Variants in C1QTNF3 observed in about 807,000 individuals in gnomAD.
C1QTNF3 encodes the protein complement C1q tumor necrosis factor-related protein 3.
In C1QTNF3, 26 loss-of-function variants were observed where a neutral mutation model predicts 32.6. The observed-to-expected ratio is 0.80, with a 90% CI of 0.58 to 1.11. The LOEUF (loss-of-function observed/expected upper bound fraction) is 1.11, where lower values mean the gene tolerates loss of function less well. C1QTNF3 is among the 50% of genes least tolerant of loss of function. C1QTNF3 has a pLI of 0.00. For synonymous variants in C1QTNF3, 155 were observed against 146.0 expected, an observed-to-expected ratio of 1.06 and a Z score of -0.44; for missense variants, 362 against 398.2, an observed-to-expected ratio of 0.91 and a Z score of 0.77.
At chr5:34,090,976 T>C in the C1QTNF3 span, among the ~76,000 whole-genome samples, 1 of 152,262 alleles carries the variant, frequency 6.6e-6, no homozygotes, top group Non-Finnish European at 1.5e-5. Flanking sequence ...TGGTTAATTT[T>C]CTGTTCATTT....
chr5:34,202,572 G>C, the C1QTNF3 span, among the ~76,000 whole-genome samples: 7 of 151,256 alleles, frequency 4.6e-5, no homozygotes, highest in East Asian at 3.9e-4. Flanking sequence ...TGTAATACAT[G>C]AAACTTAGGC....
the C1QTNF3 span, among the ~76,000 whole-genome samples, chr5:34,091,173 C>T: frequency 2.0e-5 from 3 of 152,136 alleles, no homozygotes; most frequent in Non-Finnish European, 4.4e-5. Flanking sequence ...GATAGATGAG[C>T]ACATTGAGCG....
chr5:34,023,490 A>T (rs1036208692), intron 5 of C1QTNF3, among the ~76,000 whole-genome samples: 1 of 152,190 alleles, frequency 6.6e-6, no homozygotes, highest in Non-Finnish European at 1.5e-5. Flanking sequence ...ACAGCCACAA[A>T]GTTTTTCATA....
At chr5:34,244,109 AG>A in the C1QTNF3 span, among the ~76,000 whole-genome samples, 3 of 152,154 alleles carry the variant, frequency 2.0e-5, no homozygotes, top group Admixed American at 6.5e-5. Flanking sequence ...TCATTTTCAT[AG>A]TTTTCATATT....
chr5:34,214,229 A>G, the C1QTNF3 span, among the ~76,000 whole-genome samples: 1 of 152,104 alleles, frequency 6.6e-6, no homozygotes. Flanking sequence ...AACATATATG[A>G]ATGATTGAAA....
At chr5:34,145,937 C>G in the C1QTNF3 span, among the ~76,000 whole-genome samples, 1 of 152,084 alleles carries the variant, frequency 6.6e-6, no homozygotes, top group Non-Finnish European at 1.5e-5. Flanking sequence ...AAAAAAAAGA[C>G]TTTTGATAAA....
At chr5:34,057,943 G>C in the C1QTNF3 span, among the ~76,000 whole-genome samples, 2 of 152,184 alleles carry the variant, frequency 1.3e-5, no homozygotes, top group East Asian at 3.8e-4. Context: ...GACTTTGGTT[G>C]TTTTTCTGGG....
the C1QTNF3 span, among the ~76,000 whole-genome samples, chr5:34,178,184 T>G: frequency 2.2e-4 from 33 of 150,090 alleles, no homozygotes; most frequent in African/African-American, 7.4e-4. Flanking sequence ...GGGAGGCTGA[T>G]GCAGGAGAAT....
At chr5:34,229,923 C>T in the C1QTNF3 span, among the ~76,000 whole-genome samples, 4 of 152,076 alleles carry the variant, frequency 2.6e-5, no homozygotes, top group African/African-American at 7.2e-5. Flanking sequence ...GGTGGAGATA[C>T]TAGACCACCT....
the C1QTNF3 span, among the ~76,000 whole-genome samples, chr5:34,148,752 G>C: frequency 4.6e-5 from 5 of 108,586 alleles, no homozygotes; most frequent in East Asian, 4.9e-4. Context: ...CACAAAGATG[G>C]TGAAAAAACA....
At chr5:34,054,148 G>A in the C1QTNF3 span, among the ~76,000 whole-genome samples, 9,087 of 152,162 alleles carry the variant, frequency 0.06, 968 homozygotes, top group African/African-American at 0.21. Flanking sequence ...CCCCCAGATG[G>A]GGAGTTCAAT....
the C1QTNF3 span, chr5:34,244,544 C>T: frequency 1.3e-5 from 2 of 152,136 alleles, no homozygotes; most frequent in Non-Finnish European, 2.9e-5. Context: ...AATCCTTTAG[C>T]TAGACACAAA....
chr5:34,218,947 G>A, the C1QTNF3 span, among the ~76,000 whole-genome samples: 1 of 151,958 alleles, frequency 6.6e-6, no homozygotes, highest in African/African-American at 2.4e-5. Flanking sequence ...GTCTTCTAAA[G>A]AGAAAAATAC....
At chr5:34,104,987 GTT>G in the C1QTNF3 span, among the ~76,000 whole-genome samples, 10 of 133,138 alleles carry the variant, frequency 7.5e-5, no homozygotes, top group African/African-American at 1.9e-4. Context: ...TTCAGCAAGA[GTT>G]TTTTTTTTTT....
chr5:34,174,211 C>A, the C1QTNF3 span, among the ~76,000 whole-genome samples: 2 of 152,170 alleles, frequency 1.3e-5, no homozygotes, highest in Non-Finnish European at 2.9e-5. Flanking sequence ...GTGCTCACCA[C>A]CACGCAGGGA....
At chr5:34,036,397 C>A (rs954602617) in intron 1 of C1QTNF3, among the ~76,000 whole-genome samples, 1 of 152,052 alleles carries the variant, frequency 6.6e-6, no homozygotes, top group Non-Finnish European at 1.5e-5. Context: ...ATATTTATCA[C>A]GTATAACATG....
chr5:34,131,210 C>G, the C1QTNF3 span, among the ~76,000 whole-genome samples: 1 of 151,904 alleles, frequency 6.6e-6, no homozygotes, highest in Non-Finnish European at 1.5e-5. Flanking sequence ...GACATCTTTG[C>G]TGATTTAGTT....
At chr5:34,163,311 C>T in the C1QTNF3 span, among the ~76,000 whole-genome samples, 3 of 152,010 alleles carry the variant, frequency 2.0e-5, no homozygotes, top group Non-Finnish European at 2.9e-5. Context: ...AACAAACCTT[C>T]GCATGTACCC....
the C1QTNF3 span, among the ~76,000 whole-genome samples, chr5:34,138,308 AT>A: frequency 6.6e-6 from 1 of 152,046 alleles, no homozygotes; most frequent in Middle Eastern, 3.4e-3. Flanking sequence ...CGTGAACACT[AT>A]TTTTTTTCCA....
Sources: gnomAD v4.1 joint callset for allele counts (sites outside exome capture counted in the v4.1 genomes callset) on GRCh38, gnomAD v4.1.1 for gene constraint, MANE v1.5 for transcripts, NCBI Gene and HGNC (gene_info 2026-07-23, HGNC 2026-07-21) for gene names.